The following DAZAP1 variants were observed in gnomAD, a reference collection of about 807,000 sequenced individuals.
DAZAP1 encodes the protein DAZ-associated protein 1.
Under a neutral mutation model 60.1 loss-of-function variants are expected in DAZAP1, and 6 were observed. That is an observed-to-expected ratio of 0.10 (90% CI 0.05 to 0.20). The LOEUF is 0.20. Ranked by LOEUF, DAZAP1 falls within the 10% of genes least tolerant of loss-of-function variation. The pLI is 1.00. For missense variants in DAZAP1, 366 were observed against 560.4 expected (o/e 0.65, Z 3.50); for synonymous variants, 235 against 215.9 (o/e 1.09, Z -0.78).
At chr19:1,414,195 T>C (rs1307836304) in intron 1 of DAZAP1, among the ~76,000 whole-genome samples, 1 of 151,862 alleles carries the variant, frequency 6.6e-6, no homozygotes, top group Non-Finnish European at 1.5e-5. Context: ...TTTTTGTATT[T>C]TTAGTAGAGA....
Position 1,430,270 on chromosome 19 carries a change from C to CCCCCGTGA in DAZAP1, c.779_780insCCCCGTGA (p.Phe262ValfsTer76). ...GGAAGAGGAGCCCCCCCGCCACCCC[C>CCCCCGTGA]ACCGTTCACCTCCTACATCGTGTCC... On this transcript the variant is annotated frameshift_variant, in exon 10 of 12. Coordinates refer to ENST00000233078, the MANE Select transcript of DAZAP1 (RefSeq NM_018959.4). LOFTEE classifies it high-confidence loss of function. 2.9e-6 allele frequency: 4 copies of CCCCCGTGA among 1,368,640 alleles called. No homozygotes were observed. Among genetic ancestry groups the CCCCCGTGA allele is most frequent in the South Asian group, 1.3e-5 (1 of 77,744 alleles). 84.8% of individuals were successfully genotyped at this position (1,368,640 alleles called of 1,614,324 possible). A position where few individuals can be genotyped will look rare whatever the true frequency, so the allele number is the denominator to read the frequency against.
In DAZAP1 at chr19:1,428,831, G is replaced by C; in HGVS notation, c.547-11G>C. 6.2e-7 allele frequency: 1 copy of C among 1,612,728 alleles called. No individual in the cohort carries two copies. The highest frequency in any genetic ancestry group is 8.5e-7 in the Non-Finnish European group (1 of 1,179,784). ...GCAGCCTCGCCCTAAACCAGAGCTC[G>C]GTTTGTTTAGGTGGAAGTTAAACGA... On this transcript the variant is annotated splice_polypyrimidine_tract_variant and intron_variant, in intron 7 of 11. Coordinates refer to ENST00000233078, the MANE Select transcript of DAZAP1 (RefSeq NM_018959.4). The surrounding 1 kb of genome is among the most constrained non-coding windows in gnomAD (Gnocchi z 4.0).
In DAZAP1 at chr19:1,418,443, A is replaced by T; in HGVS notation, c.237+73A>T. On this transcript the variant is annotated intron_variant, in intron 3 of 11. Coordinates refer to ENST00000233078, the MANE Select transcript of DAZAP1 (RefSeq NM_018959.4). The surrounding 1 kb of genome is among the most constrained non-coding windows in gnomAD (Gnocchi z 5.7). ...CTTCCTCTGCTTCATTTTTTCCTGG[A>T]CTCTGACCGATGTTTGCGTTAGAGT... The T allele has an allele frequency of 6.4e-7, 1 of 1,563,934 alleles. No individual in the cohort carries two copies. The highest frequency in any genetic ancestry group is 8.8e-7 in the Non-Finnish European group (1 of 1,142,288).
At chr19:1,413,528 C>T (rs1450087532) in intron 1 of DAZAP1, among the ~76,000 whole-genome samples, 1 of 152,276 alleles carries the variant, frequency 6.6e-6, no homozygotes, top group Admixed American at 6.5e-5. Context: ...TTCCCGGAGG[C>T]TTCTGTCTGT....
chr19:1,407,721 G>A lies in DAZAP1; in HGVS notation c.-53G>A, dbSNP rs2082705578. 9.4e-7 allele frequency: 1 copy of A among 1,067,690 alleles called. No homozygotes were observed. Among genetic ancestry groups the A allele is most frequent in the Non-Finnish European group, 1.1e-6 (1 of 884,784 alleles). 66.1% of individuals were successfully genotyped at this position (1,067,690 alleles called of 1,614,324 possible). A position where few individuals can be genotyped will look rare whatever the true frequency, so the allele number is the denominator to read the frequency against. On this transcript the variant is annotated 5_prime_UTR_variant, in exon 1 of 12. Coordinates refer to ENST00000233078, the MANE Select transcript of DAZAP1 (RefSeq NM_018959.4). ...CGACGGAGCGGGTGACCTTCCGGAG[G>A]CGGGAGCGAGCGAGGAGGCCCGGGA... is the stretch of plus-strand genomic sequence containing the variant.
At chr19:1,421,845 C>T (rs1031081697) in intron 5 of DAZAP1, among the ~76,000 whole-genome samples, 1 of 152,190 alleles carries the variant, frequency 6.6e-6, no homozygotes, top group Non-Finnish European at 1.5e-5. Context: ...CAGGTGGTAC[C>T]TGAGGGTGCC....
At position 1,417,465 on chromosome 19, in the gene DAZAP1, G is replaced by GTC. The variant is rs375114323; in HGVS notation, c.30-33_30-32dup. 6,402 of 1,588,124 alleles carry GTC rather than the reference G, an allele frequency of 4.0e-3. 28 individuals carry two copies. The highest frequency in any genetic ancestry group is 4.6e-3 in the Non-Finnish European group (5,343 of 1,167,242). ...TGGGGGCATTTCTAAGGCGAGCGCT[G>GTC]TCTTGATCCTGAATGTTTTCTCATT... On this transcript the variant is annotated intron_variant, in intron 1 of 11. Coordinates refer to ENST00000233078, the MANE Select transcript of DAZAP1 (RefSeq NM_018959.4).
At position 1,428,877 on chromosome 19, in the gene DAZAP1, G is replaced by A. The variant is rs957044500; in HGVS notation, c.582G>A (p.Lys194=). 1.2e-6 allele frequency: 2 copies of A among 1,613,012 alleles called. No individual in the cohort carries two copies. Among genetic ancestry groups the A allele is most frequent in the Non-Finnish European group, 8.5e-7 (1 of 1,179,928 alleles). Residue 194 remains lysine, a synonymous_variant, in exon 8 of 12, where the codon AAG becomes AAA. Transcript: ENST00000233078. This position sits in a 1 kb window ranked among gnomAD's most constrained non-coding sequence, Gnocchi z 4.0. ...EVKRAEPRDS[K]SQAPGQPGAS... ...AACGAGCTGAGCCTCGGGACAGCAA[G>A]AGCCAAGCGCCGGGACAGCCAGGTG...
At chr19:1,420,405 C>T (rs535514522) in intron 4 of DAZAP1, among the ~76,000 whole-genome samples, 1 of 151,964 alleles carries the variant, frequency 6.6e-6, no homozygotes, top group Admixed American at 6.6e-5. Context: ...GTCACGGCGG[C>T]GAGCACTCAC....
rs770676804 is a variant in DAZAP1, at chr19:1,418,193, T to C, written c.71-11T>C. ...CTGTGTGTTTGTGTTTTCTTCCCGATTTCTGAGCAGAGACTCTGCGCAGCT... is the reference window on the plus strand; with the variant it reads ...CTGTGTGTTTGTGTTTTCTTCCCGACTTCTGAGCAGAGACTCTGCGCAGCT... On this transcript the variant is annotated splice_polypyrimidine_tract_variant and intron_variant, in intron 2 of 11. Transcript: ENST00000233078. This position sits in a 1 kb window ranked among gnomAD's most constrained non-coding sequence, Gnocchi z 5.7. 1.2e-6 allele frequency: 2 copies of C among 1,613,210 alleles called. No homozygotes were observed. The highest frequency in any genetic ancestry group is 1.6e-4 in the Middle Eastern group (1 of 6,082).
chr19:1,408,423 C>T (rs1157782409), intron 1 of DAZAP1, among the ~76,000 whole-genome samples: 5 of 152,250 alleles, frequency 3.3e-5, no homozygotes, highest in East Asian at 1.9e-4. Flanking sequence ...GGGGCGCCCC[C>T]AGCGCGCGCC....
At chr19:1,409,311 A>T (rs1175922788) in intron 1 of DAZAP1, among the ~76,000 whole-genome samples, 1 of 152,184 alleles carries the variant, frequency 6.6e-6, no homozygotes, top group Non-Finnish European at 1.5e-5. Flanking sequence ...GATTAGGTCC[A>T]TTCAAGCCGC....
chr19:1,415,648 C>T (rs2082961655), intron 1 of DAZAP1: 1 of 151,880 alleles, frequency 6.6e-6, no homozygotes. Flanking sequence ...CCTCGCTCCT[C>T]CCACGGTCTC....
rs2083203662 is a variant in DAZAP1 at position 1,423,016 on chromosome 19, C to T, written c.463+620C>T. 6.6e-6 allele frequency among the ~76,000 whole-genome samples: 1 copy of T among 152,124 alleles called. No homozygotes were observed. The highest frequency in any genetic ancestry group is 6.6e-5 in the Admixed American group (1 of 15,266). ...CGATGGGCGCCCAGTTTCTGTGCCCCTTTTCCGTGGCTGCTGCTGTCTGTC... is the reference window on the plus strand; with the variant it reads ...CGATGGGCGCCCAGTTTCTGTGCCCTTTTTCCGTGGCTGCTGCTGTCTGTC... On this transcript the variant is annotated intron_variant, in intron 6 of 11. Coordinates refer to ENST00000233078, the MANE Select transcript of DAZAP1 (RefSeq NM_018959.4). This position sits in a 1 kb window ranked among gnomAD's most constrained non-coding sequence, Gnocchi z 6.8.
intron 7 of DAZAP1, chr19:1,427,111 T>C (rs1282637753): frequency 2.0e-5 from 3 of 152,244 alleles, no homozygotes. Context: ...ACACAATCCT[T>C]GTTCTGACAT....
In DAZAP1 at chr19:1,426,243, C is replaced by T. The variant is rs535370361; in HGVS notation, c.546+283C>T. 7 of 417,228 alleles carry T rather than the reference C, an allele frequency of 1.7e-5. No homozygotes were observed. The highest frequency in any genetic ancestry group is 2.3e-5 in the South Asian group (1 of 43,070). The allele number at this position is 417,228 out of a possible 1,614,324, so 25.8% of individuals were successfully genotyped here. A position where few individuals can be genotyped will look rare whatever the true frequency, so the allele number is the denominator to read the frequency against. ...GGGGGCTGGGGCTGGGAGGCTGTGG[C>T]GGTGTTGGGGCTGGCTCCAGTGAAA... On this transcript the variant is annotated intron_variant, in intron 7 of 11. Transcript: ENST00000233078. The surrounding 1 kb of genome is among the most constrained non-coding windows in gnomAD (Gnocchi z 5.4).
chr19:1,427,056 G>T (rs2083321885), intron 7 of DAZAP1: 1 of 152,184 alleles, frequency 6.6e-6, no homozygotes, highest in African/African-American at 2.4e-5. Flanking sequence ...CTTAGATTGG[G>T]TTGCAGACTT....
rs1201432716 is a variant in DAZAP1, at chr19:1,433,067, C to T, written c.1048+377C>T. On this transcript the variant is annotated intron_variant, in intron 11 of 11. Transcript: ENST00000233078. The surrounding 1 kb of genome is among the most constrained non-coding windows in gnomAD (Gnocchi z 6.1). Reference sequence around the variant, plus strand: ...CCCCTTGGTGGGTTCCAGTTTCTGGCGTCATCAGCCTCCTGCTGGGTCCAG... The same window carrying T: ...CCCCTTGGTGGGTTCCAGTTTCTGGTGTCATCAGCCTCCTGCTGGGTCCAG... The T allele has an allele frequency of 1.4e-5, 3 of 217,048 alleles. No individual in the cohort carries two copies. The highest frequency in any genetic ancestry group is 2.8e-5 in the Non-Finnish European group (3 of 108,550). 13.4% of individuals were successfully genotyped at this position (217,048 alleles called of 1,614,324 possible). A position where few individuals can be genotyped will look rare whatever the true frequency, so the allele number is the denominator to read the frequency against.
At position 1,435,371 on chromosome 19, in the gene DAZAP1, G is replaced by A. The variant is rs887284882; in HGVS notation, c.*459G>A. On this transcript the variant is annotated 3_prime_UTR_variant, in exon 12 of 12. Transcript: ENST00000233078. The stretch of plus-strand genomic sequence containing the variant: ...GGTTTCCGTCGGCACTGGTGGAGGG[G>A]GTGCGCTGTTAGTCCCCTCGCTCCT... The A allele has an allele frequency of 6.6e-6, 1 of 152,320 alleles. No homozygotes were observed. Among genetic ancestry groups the A allele is most frequent in the African/African-American group, 2.4e-5 (1 of 41,434 alleles). The allele number at this position is 152,320 out of a possible 1,614,324, so 9.4% of individuals were successfully genotyped here.
Sources: gnomAD v4.1 joint callset for allele counts (sites outside exome capture counted in the v4.1 genomes callset) on GRCh38, gnomAD v4.1.1 for gene constraint, Gnocchi (gnomAD v3.1) non-coding constraint, MANE v1.5 for transcripts, NCBI Gene and HGNC (gene_info 2026-07-23, HGNC 2026-07-21) for gene names.